Variants in MOB2 observed in about 807,000 individuals in gnomAD.
MOB2 encodes the protein MOB kinase activator 2.
A neutral mutation model predicts 27.4 loss-of-function variants in MOB2; 14 were observed. That is an observed-to-expected ratio of 0.51 (90% CI 0.34 to 0.80). The LOEUF (loss-of-function observed/expected upper bound fraction) is 0.80. Among genes scored for constraint, MOB2 ranks in the 30% least tolerant of loss-of-function variants. MOB2 has a pLI of 0.01. For missense variants in MOB2, 304 were observed against 354.6 expected, an observed-to-expected ratio of 0.86 and a Z score of 1.15; for synonymous variants, 167 against 151.8, an observed-to-expected ratio of 1.10 and a Z score of -0.74.
chr11:1,474,345 T>C (rs938785816), intron 3 of MOB2, among the ~76,000 whole-genome samples: 2 of 152,338 alleles, frequency 1.3e-5, no homozygotes, highest in Non-Finnish European at 2.9e-5. Context: ...TTGCAAATGT[T>C]TTCTCTCCCA....
intron 1 of MOB2, among the ~76,000 whole-genome samples, chr11:1,484,432 G>A (rs1847949024): frequency 6.6e-6 from 1 of 152,132 alleles, no homozygotes; most frequent in African/African-American, 2.4e-5. Flanking sequence ...ATGCTCCTTG[G>A]TTCGGGTGAA....
chr11:1,478,507 C>G (rs1270864286), intron 3 of MOB2, among the ~76,000 whole-genome samples: 1 of 152,208 alleles, frequency 6.6e-6, no homozygotes, highest in Non-Finnish European at 1.5e-5. Flanking sequence ...CTTCTGGCCT[C>G]CTGGGTTTCT....
At position 1,486,612 on chromosome 11, in the gene MOB2, C is replaced by A; in HGVS notation, c.-56G>T. The A allele has an allele frequency of 7.9e-7, 1 of 1,266,172 alleles. No homozygotes were observed. Among genetic ancestry groups the A allele is most frequent in the Non-Finnish European group, 1.1e-6 (1 of 905,976 alleles). 78.4% of individuals were successfully genotyped at this position (1,266,172 alleles called of 1,614,324 possible). On this transcript the variant is annotated 5_prime_UTR_variant, in exon 1 of 5. Coordinates refer to ENST00000329957, the MANE Select transcript of MOB2 (RefSeq NM_001172223.3). ...GCGGGGCGGGGTGCCGGCTGGCCAG[C>A]ACTCGCAAATGCCTGCTGCCGGGCC...
At chr11:1,479,333 T>C (rs1479572231) in intron 3 of MOB2, among the ~76,000 whole-genome samples, 1 of 152,106 alleles carries the variant, frequency 6.6e-6, no homozygotes, top group Non-Finnish European at 1.5e-5. Context: ...GCCTGATCCA[T>C]GGAGGCCACC....
At chr11:1,474,107 C>T (rs758161963) in intron 3 of MOB2, among the ~76,000 whole-genome samples, 20 of 152,234 alleles carry the variant, frequency 1.3e-4, no homozygotes, top group Non-Finnish European at 1.9e-4. Context: ...ACCAGTGTCC[C>T]GACCGGCATG....
intron 1 of MOB2, chr11:1,481,713 AGCAGGGGCAGGG>A (rs151096924): frequency 0.73 from 94,228 of 129,420 alleles, 33,639 homozygotes; most frequent in African/African-American, 0.76. Context: ...CAGGGGCAGG[AGCAGGGGCAGGG>A]GCAGGGGCAG....
rs550021000 is a variant in MOB2, at chr11:1,469,714, C to T, written c.*458G>A. On this transcript the variant is annotated 3_prime_UTR_variant, in exon 5 of 5. Coordinates refer to ENST00000329957, the MANE Select transcript of MOB2 (RefSeq NM_001172223.3). ...CAACAGCCAAGACTCCTGGCGAGGC[C>T]GGGAGAGGAGGGGTGAGAGGGAAGG... is the stretch of plus-strand genomic sequence containing the variant. 83 of 459,874 alleles carry T rather than the reference C, an allele frequency of 1.8e-4. No individual in the cohort carries two copies. Among genetic ancestry groups the T allele is most frequent in the African/African-American group, 1.5e-3 (76 of 50,324 alleles). 28.5% of individuals were successfully genotyped at this position (459,874 alleles called of 1,614,324 possible). A position where few individuals can be genotyped will look rare whatever the true frequency, so the allele number is the denominator to read the frequency against.
At chr11:1,476,283 C>T (rs891823333) in intron 3 of MOB2, among the ~76,000 whole-genome samples, 1 of 152,186 alleles carries the variant, frequency 6.6e-6, no homozygotes, top group Non-Finnish European at 1.5e-5. Flanking sequence ...TTTATTCTTT[C>T]TTCTTACCTT....
In MOB2 at chr11:1,469,743, G is replaced by A. The variant is rs746412336; in HGVS notation, c.*429C>T. ...AGAGGAGGGGTGAGAGGGAAGGAGG[G>A]TCTCTGTGAAAGCAAGCCCCACCCC... On this transcript the variant is annotated 3_prime_UTR_variant, in exon 5 of 5. Coordinates refer to ENST00000329957, the MANE Select transcript of MOB2 (RefSeq NM_001172223.3). 84 of 467,586 alleles carry A rather than the reference G, an allele frequency of 1.8e-4. No individual in the cohort carries two copies. Among genetic ancestry groups the A allele is most frequent in the Non-Finnish European group, 3.2e-4 (74 of 234,874 alleles). The allele number at this position is 467,586 out of a possible 1,614,324, so 29.0% of individuals were successfully genotyped here. A position where few individuals can be genotyped will look rare whatever the true frequency, so the allele number is the denominator to read the frequency against.
chr11:1,483,647 G>A (rs1046895860), intron 1 of MOB2, among the ~76,000 whole-genome samples: 3 of 152,196 alleles, frequency 2.0e-5, no homozygotes, highest in African/African-American at 7.2e-5. Context: ...GGCACCAGCT[G>A]CTGCTCTGCC....
chr11:1,472,988 G>A (rs1469046495), intron 3 of MOB2: 2 of 153,296 alleles, frequency 1.3e-5, no homozygotes, highest in African/African-American at 4.8e-5. Context: ...GAAGCTAGAG[G>A]ATGACACTGC....
At position 1,470,055 on chromosome 11, in the gene MOB2, G is replaced by A. The variant is rs1375172519; in HGVS notation, c.*117C>T. On this transcript the variant is annotated 3_prime_UTR_variant, in exon 5 of 5. Transcript: ENST00000329957. ...GTGCAGCCCACACCAGTGCAGCCCG[G>A]GGCCCTCTCAGACCTCACCACACGC... The A allele has an allele frequency of 2.0e-6, 3 of 1,537,746 alleles. No homozygotes were observed. Among genetic ancestry groups the A allele is most frequent in the Non-Finnish European group, 2.6e-6 (3 of 1,146,760 alleles).
chr11:1,477,564 C>A (rs1590764339), intron 3 of MOB2, among the ~76,000 whole-genome samples: 1 of 152,158 alleles, frequency 6.6e-6, no homozygotes, highest in African/African-American at 2.4e-5. Flanking sequence ...CTGGTGGCTC[C>A]GTCGCCCTGC....
chr11:1,485,533 T>C (rs1847960445), intron 1 of MOB2, among the ~76,000 whole-genome samples: 1 of 152,200 alleles, frequency 6.6e-6, no homozygotes, highest in South Asian at 2.1e-4. Context: ...AAGAGAAAGA[T>C]GGAGCCGGGT....
At chr11:1,486,321 C>T in intron 1 of MOB2, 126 bp downstream of exon 1, 2 of 718,618 alleles carry the variant, frequency 2.8e-6, no homozygotes, top group Non-Finnish European at 4.7e-6. Flanking sequence ...CAGCCGCCGG[C>T]CACACTGGGA....
At chr11:1,481,326 G>A (rs1013903540) in intron 1 of MOB2, 20 of 259,736 alleles carry the variant, frequency 7.7e-5, no homozygotes, top group Non-Finnish European at 1.4e-4. Context: ...TGGTGGCCCC[G>A]GTGAAAACAT....
chr11:1,475,240 A>G (rs543784048), intron 3 of MOB2, among the ~76,000 whole-genome samples: 32 of 152,356 alleles, frequency 2.1e-4, no homozygotes, highest in African/African-American at 7.7e-4. Context: ...GCTAATATAC[A>G]GACCTATGAC....
intron 3 of MOB2, among the ~76,000 whole-genome samples, chr11:1,479,816 C>T (rs1847889908): frequency 6.6e-6 from 1 of 152,266 alleles, no homozygotes; most frequent in African/African-American, 2.4e-5. Context: ...CTCCTCCTGC[C>T]TGCAGCCTCC....
intron 1 of MOB2, chr11:1,481,640 TA>T: frequency 6.6e-6 from 1 of 152,054 alleles, no homozygotes; most frequent in South Asian, 2.0e-4. Context: ...ATCTTCGCCT[TA>T]AAAGGAGACC....
Sources: gnomAD v4.1 joint callset for allele counts (sites outside exome capture counted in the v4.1 genomes callset) on GRCh38, gnomAD v4.1.1 for gene constraint, MANE v1.5 for transcripts, NCBI Gene and HGNC (gene_info 2026-07-23, HGNC 2026-07-21) for gene names.